LAMA2: variants seen among roughly 807,000 people sequenced by gnomAD.
LAMA2 encodes laminin subunit alpha 2.
In LAMA2, 269 loss-of-function variants were observed where a neutral mutation model predicts 364.8. That is an observed-to-expected ratio of 0.74 (90% CI 0.67 to 0.82). The LOEUF is 0.82. Among genes scored for constraint, LAMA2 ranks in the 40% least tolerant of loss-of-function variants. The pLI, the probability that LAMA2 is intolerant of heterozygous loss-of-function variation, is 0.00. For missense variants in LAMA2, 3,807 were observed against 3,873.2 expected (o/e 0.98, Z 0.45); for synonymous variants, 1,379 against 1,370.6 (o/e 1.01, Z -0.14).
intron 34 of LAMA2, among the ~76,000 whole-genome samples, chr6:129,372,277 G>A (rs995885795): frequency 3.9e-5 from 6 of 152,062 alleles, no homozygotes; most frequent in Admixed American, 1.3e-4. Context: ...TTTACTGCCC[G>A]AAAACTCCTC....
chr6:129,298,709 G>A (rs529142469), intron 21 of LAMA2, among the ~76,000 whole-genome samples: 2 of 152,260 alleles, frequency 1.3e-5, no homozygotes, highest in South Asian at 4.2e-4. Context: ...ATTTAAGTAG[G>A]AAGCAGTAGG....
chr6:129,156,607 A>G (rs1163804798), intron 8 of LAMA2, among the ~76,000 whole-genome samples: 3 of 151,884 alleles, frequency 2.0e-5, no homozygotes, highest in African/African-American at 7.3e-5. Context: ...TTACATTGCT[A>G]TCAAATGCAG....
At chr6:129,503,652 G>A (rs999853847) in intron 60 of LAMA2, among the ~76,000 whole-genome samples, 2 of 152,214 alleles carry the variant, frequency 1.3e-5, no homozygotes, top group Non-Finnish European at 2.9e-5. Flanking sequence ...TATTTATTCT[G>A]AGATTATATT....
rs974119099 is a variant in LAMA2 at position 129,312,745 on chromosome 6, A to G, written c.3175-116A>G. 7.7e-5 allele frequency: 60 copies of G among 775,954 alleles called. No individual in the cohort carries two copies. The African/African-American group carries it at 8.1e-4, about 10-fold the overall frequency. 48.1% of individuals were successfully genotyped at this position (775,954 alleles called of 1,614,324 possible). On this transcript the variant is annotated intron_variant, in intron 22 of 64. Transcript: ENST00000421865. ...ACTAAACTAGAATAGTACAAAGCCT[A>G]TAACAGATACATGATTAATATGTGT...
At chr6:129,078,516 C>G (rs1197575131) in intron 3 of LAMA2, among the ~76,000 whole-genome samples, 2 of 152,104 alleles carry the variant, frequency 1.3e-5, no homozygotes, top group African/African-American at 2.4e-5. Flanking sequence ...ATAAAAGAAA[C>G]TCTATGTACC....
At chr6:129,480,607 T>C (rs565338208) in intron 54 of LAMA2, among the ~76,000 whole-genome samples, 1 of 152,264 alleles carries the variant, frequency 6.6e-6, no homozygotes, top group African/African-American at 2.4e-5. Context: ...TCTGCACAGC[T>C]TTGAGATTGA....
intron 1 of LAMA2, among the ~76,000 whole-genome samples, chr6:128,970,711 C>G (rs1158870686): frequency 6.6e-6 from 1 of 152,094 alleles, no homozygotes; most frequent in African/African-American, 2.4e-5. Context: ...TGTCAGGAAG[C>G]TTTTTCTTAA....
intron 3 of LAMA2, among the ~76,000 whole-genome samples, chr6:129,078,179 G>A (rs918124927): frequency 6.6e-6 from 1 of 151,410 alleles, no homozygotes; most frequent in African/African-American, 2.4e-5. Flanking sequence ...GTGTCGCTCA[G>A]ACTGGAGTGC....
intron 35 of LAMA2, among the ~76,000 whole-genome samples, chr6:129,390,506 A>G (rs914284412): frequency 1.3e-5 from 2 of 152,072 alleles, no homozygotes; most frequent in Admixed American, 6.6e-5. Context: ...ACACCCTTGA[A>G]TGGTAGAAAA....
intron 20 of LAMA2, chr6:129,293,102 C>CA: frequency 2.0e-6 from 2 of 984,482 alleles, no homozygotes; most frequent in Non-Finnish European, 2.4e-6. Flanking sequence ...CATGCCTCTG[C>CA]ATGTTGTGTT....
intron 22 of LAMA2, among the ~76,000 whole-genome samples, chr6:129,309,901 C>CTTTTTTTTTTT (rs1562443403): frequency 6.0e-5 from 8 of 133,680 alleles, no homozygotes; most frequent in East Asian, 2.8e-4. Context: ...TCCTGATAAT[C>CTTTTTTTTTTT]ATTTTTTTTT....
chr6:129,049,785 A>G (rs1320882579), intron 1 of LAMA2, 133 bp from the exon 2 acceptor site: 2 of 743,288 alleles, frequency 2.7e-6, no homozygotes, highest in African/African-American at 3.5e-5. Context: ...ATTGTCAGGT[A>G]TTTATCATTA....
chr6:129,354,583 A>G (rs532682970), intron 32 of LAMA2, among the ~76,000 whole-genome samples: 1 of 152,286 alleles, frequency 6.6e-6, no homozygotes, highest in Admixed American at 6.5e-5. Context: ...ATAATTAACT[A>G]GATAATATAT....
chr6:129,032,102 G>A (rs115720190), intron 1 of LAMA2, among the ~76,000 whole-genome samples: 4,870 of 152,304 alleles, frequency 0.032, 244 homozygotes, highest in African/African-American at 0.1. Context: ...ACAGGCGTGA[G>A]CCACCAGGCC....
chr6:129,497,291 G>T (rs1785265423), intron 58 of LAMA2, among the ~76,000 whole-genome samples: 1 of 151,882 alleles, frequency 6.6e-6, no homozygotes, highest in Non-Finnish European at 1.5e-5. Context: ...AGGCTGGTGT[G>T]CAGTGGCGCA....
intron 33 of LAMA2, among the ~76,000 whole-genome samples, 153 bp downstream of exon 33, chr6:129,366,514 T>G (rs1009661853): frequency 6.6e-6 from 1 of 152,174 alleles, no homozygotes; most frequent in Admixed American, 6.5e-5. Flanking sequence ...ACCAGTGTTT[T>G]TCAAACTCAA....
chr6:129,460,894 C>T (rs539013740), intron 49 of LAMA2, among the ~76,000 whole-genome samples: 33 of 151,520 alleles, frequency 2.2e-4, no homozygotes, highest in African/African-American at 8.0e-4. Flanking sequence ...AACAAGGGGC[C>T]GAGATAGTCC....
chr6:129,034,526 G>A (rs775599698), intron 1 of LAMA2, among the ~76,000 whole-genome samples: 1 of 151,752 alleles, frequency 6.6e-6, no homozygotes, highest in Non-Finnish European at 1.5e-5. Flanking sequence ...TGTGACATGG[G>A]TATATTGTGT....
At chr6:129,299,797 G>A (rs370748726) in intron 21 of LAMA2, among the ~76,000 whole-genome samples, 28 of 152,212 alleles carry the variant, frequency 1.8e-4, no homozygotes, top group African/African-American at 6.5e-4. Flanking sequence ...AATGAATATT[G>A]TCATTTCATA....
Sources: allele counts gnomAD v4.1 joint callset (sites outside exome capture counted in the v4.1 genomes callset), GRCh38; gene constraint gnomAD v4.1.1; transcripts MANE v1.5; gene names NCBI Gene and HGNC (gene_info 2026-07-23, HGNC 2026-07-21).